MYRIP: variants seen among roughly 807,000 people sequenced by gnomAD.
The protein encoded by MYRIP is myosin VIIA and Rab interacting protein.
MYRIP carries 49 observed loss-of-function variants against 98.0 expected under a neutral mutation model. The ratio of observed to expected loss-of-function variants is 0.50; its 90% confidence interval spans 0.40 to 0.63. The LOEUF (loss-of-function observed/expected upper bound fraction) is 0.63. Ranked by LOEUF, MYRIP falls within the 30% of genes least tolerant of loss-of-function variation. The pLI is 0.00. For synonymous variants in MYRIP, 404 were observed against 409.5 expected, an observed-to-expected ratio of 0.99 and a Z score of 0.16; for missense variants, 1,004 against 1,058.2, an observed-to-expected ratio of 0.95 and a Z score of 0.71.
At chr3:40,216,083 T>C (rs991376974) in intron 11 of MYRIP, among the ~76,000 whole-genome samples, 12 of 152,218 alleles carry the variant, frequency 7.9e-5, no homozygotes, top group Admixed American at 5.2e-4. Context: ...GCAGAATATC[T>C]TCCTCTTTAG....
intron 1 of MYRIP, among the ~76,000 whole-genome samples, chr3:39,859,311 G>A (rs1015266059): frequency 9.2e-5 from 14 of 152,020 alleles, no homozygotes; most frequent in African/African-American, 3.4e-4. Context: ...CATACAACCG[G>A]CCATGACTGA....
At chr3:40,103,197 A>G (rs1198751103) in intron 3 of MYRIP, among the ~76,000 whole-genome samples, 2 of 152,078 alleles carry the variant, frequency 1.3e-5, no homozygotes, top group African/African-American at 4.8e-5. Context: ...CACCTAGTAT[A>G]CATGCTTTTC....
chr3:39,954,395 A>G (rs916541390), intron 2 of MYRIP, among the ~76,000 whole-genome samples: 1 of 152,130 alleles, frequency 6.6e-6, no homozygotes, highest in Non-Finnish European at 1.5e-5. Context: ...GGTGATACCC[A>G]GGCAAACATG....
intron 2 of MYRIP, among the ~76,000 whole-genome samples, chr3:40,025,449 C>T (rs570137496): frequency 1.6e-4 from 24 of 151,982 alleles, no homozygotes; most frequent in African/African-American, 4.6e-4. Flanking sequence ...ACAAACTAAA[C>T]GCAAAGTATA....
At chr3:40,252,053 C>T (rs1279205947) in intron 16 of MYRIP, 54 bp downstream of exon 16, 1 of 1,329,564 alleles carries the variant, frequency 7.5e-7, no homozygotes, top group East Asian at 2.3e-5. Flanking sequence ...ATGGTACCTC[C>T]ACTCTGCAGC....
intron 4 of MYRIP, among the ~76,000 whole-genome samples, chr3:40,153,041 C>A (rs924269248): frequency 1.3e-5 from 2 of 151,956 alleles, no homozygotes; most frequent in Non-Finnish European, 2.9e-5. Context: ...ATCACTTGAG[C>A]CCAGGAGGTT....
rs564592283 is a variant in MYRIP, at chr3:39,964,062, A to T, written c.110+63136A>T. On this transcript the variant is annotated intron_variant, in intron 2 of 16. Coordinates refer to ENST00000302541, the MANE Select transcript of MYRIP (RefSeq NM_015460.4). ...TTTTAGATTTCTTTTTCAGCTGTAC[A>T]TTTAAATTCCTTTCTTATTTTAGTG... Among the ~76,000 whole-genome samples the T allele has an allele frequency of 1.1e-4, 16 of 152,196 alleles. No homozygotes were observed. The South Asian group carries it at 1.2e-3, about 12-fold the overall frequency.
chr3:40,113,728 C>T (rs972493912), intron 3 of MYRIP, among the ~76,000 whole-genome samples: 5 of 152,152 alleles, frequency 3.3e-5, no homozygotes, highest in Admixed American at 6.5e-5. Context: ...CTCGCTCTTT[C>T]GCCCAGGCCA....
chr3:39,865,522 A>G (rs1332784348), intron 1 of MYRIP, among the ~76,000 whole-genome samples: 1 of 152,214 alleles, frequency 6.6e-6, no homozygotes, highest in Non-Finnish European at 1.5e-5. Context: ...AAGGATATTA[A>G]CAGACACTTT....
chr3:40,043,170 A>G (rs1947583266), intron 2 of MYRIP, among the ~76,000 whole-genome samples: 1 of 152,216 alleles, frequency 6.6e-6, no homozygotes, highest in Non-Finnish European at 1.5e-5. Flanking sequence ...GTAGGAAAAT[A>G]GTAAAAGTAG....
chr3:40,150,703 C>T (rs909101452), intron 3 of MYRIP, among the ~76,000 whole-genome samples: 2 of 152,124 alleles, frequency 1.3e-5, no homozygotes, highest in African/African-American at 4.8e-5. Flanking sequence ...AAACTAGTGG[C>T]CGATGGCTTC....
At chr3:39,986,096 G>T (rs1372184203) in intron 2 of MYRIP, among the ~76,000 whole-genome samples, 3 of 152,210 alleles carry the variant, frequency 2.0e-5, no homozygotes, top group Non-Finnish European at 4.4e-5. Flanking sequence ...AAGTTTCTCA[G>T]TGTGATGTTC....
At chr3:39,905,933 T>C (rs1943868557) in intron 2 of MYRIP, among the ~76,000 whole-genome samples, 1 of 152,148 alleles carries the variant, frequency 6.6e-6, no homozygotes, top group South Asian at 2.1e-4. Flanking sequence ...TTGCTTTGTC[T>C]GTCATCTGGA....
chr3:39,855,492 G>A (rs973171822), intron 1 of MYRIP, among the ~76,000 whole-genome samples: 3 of 152,124 alleles, frequency 2.0e-5, no homozygotes, highest in African/African-American at 7.2e-5. Flanking sequence ...GACTCTCCTT[G>A]GACGGGGCTT....
At chr3:39,834,354 T>C (rs1941559572) in intron 1 of MYRIP, among the ~76,000 whole-genome samples, 1 of 152,236 alleles carries the variant, frequency 6.6e-6, no homozygotes, top group African/African-American at 2.4e-5. Context: ...GTGTCATTTA[T>C]AACAGAGTAG....
At chr3:39,980,648 T>C (rs1945869243) in intron 2 of MYRIP, among the ~76,000 whole-genome samples, 1 of 152,226 alleles carries the variant, frequency 6.6e-6, no homozygotes, top group Admixed American at 6.5e-5. Context: ...ATCAAAATGC[T>C]CATTGCTCTA....
At position 40,121,395 on chromosome 3, in the gene MYRIP, A is replaced by G. The variant is rs573310056; in HGVS notation, c.333-29653A>G. 1.9e-4 allele frequency among the ~76,000 whole-genome samples: 29 copies of G among 152,148 alleles called. No individual in the cohort carries two copies. The South Asian group carries it at 5.8e-3, about 31-fold the overall frequency. ...CTTTTCCCACCCCTTTCTGGCAAGC[A>G]TCTTGACAAACATTTAAGGCAAGCA... On this transcript the variant is annotated intron_variant, in intron 3 of 16. Transcript: ENST00000302541.
intron 2 of MYRIP, among the ~76,000 whole-genome samples, chr3:40,025,682 A>T (rs1010758349): frequency 1.3e-5 from 2 of 152,090 alleles, no homozygotes; most frequent in Non-Finnish European, 2.9e-5. Context: ...GAAATTTTAC[A>T]GCTGGGCCAC....
chr3:40,066,700 T>C (rs1464143354), intron 3 of MYRIP, among the ~76,000 whole-genome samples: 1 of 152,224 alleles, frequency 6.6e-6, no homozygotes, highest in East Asian at 1.9e-4. Context: ...AGGTTCTGTA[T>C]TCCAAGTAAT....
Sources: gnomAD v4.1 joint callset for allele counts (sites outside exome capture counted in the v4.1 genomes callset) on GRCh38, gnomAD v4.1.1 for gene constraint, MANE v1.5 for transcripts, NCBI Gene and HGNC (gene_info 2026-07-23, HGNC 2026-07-21) for gene names.